LHFPL2: variants seen among roughly 807,000 people sequenced by gnomAD.
LHFPL2 encodes LHFPL tetraspan subfamily member 2 protein.
A neutral mutation model predicts 17.5 loss-of-function variants in LHFPL2; 7 were observed. The ratio of observed to expected loss-of-function variants is 0.40; its 90% CI spans 0.23 to 0.75. The LOEUF (loss-of-function observed/expected upper bound fraction) is 0.75, where lower values mean the gene tolerates loss of function less well. Ranked by LOEUF, LHFPL2 falls within the 30% of genes least tolerant of loss-of-function variation. LHFPL2 has a pLI of 0.37. For synonymous variants in LHFPL2, 134 were observed against 116.2 expected, an observed-to-expected ratio of 1.15 and a Z score of -0.99; for missense variants, 241 against 294.8, an observed-to-expected ratio of 0.82 and a Z score of 1.34.
intron 4 of LHFPL2, among the ~76,000 whole-genome samples, chr5:78,493,061 A>C (rs536386970): frequency 6.6e-5 from 10 of 152,378 alleles, no homozygotes; most frequent in Admixed American, 2.6e-4. Context: ...CTAATGTCTA[A>C]GAGAAAACTG....
At chr5:78,527,051 G>A (rs1255149894) in intron 3 of LHFPL2, among the ~76,000 whole-genome samples, 1 of 152,220 alleles carries the variant, frequency 6.6e-6, no homozygotes, top group Non-Finnish European at 1.5e-5. Context: ...AACTCCAGAA[G>A]GTTGAATGTT....
intron 3 of LHFPL2, among the ~76,000 whole-genome samples, chr5:78,562,081 C>T (rs894282775): frequency 6.6e-6 from 1 of 152,236 alleles, no homozygotes; most frequent in African/African-American, 2.4e-5. Flanking sequence ...TCAGACTCCA[C>T]ATGCTGTGCT....
intron 4 of LHFPL2, among the ~76,000 whole-genome samples, chr5:78,500,258 T>C (rs1754733650): frequency 6.6e-6 from 1 of 152,200 alleles, no homozygotes; most frequent in African/African-American, 2.4e-5. Context: ...TTCAGCCATC[T>C]CACCTCCCAA....
At chr5:78,554,243 G>A (rs191644402) in intron 3 of LHFPL2, among the ~76,000 whole-genome samples, 7 of 152,244 alleles carry the variant, frequency 4.6e-5, no homozygotes, top group East Asian at 1.9e-4. Context: ...CGCTTACAGC[G>A]AGCACCCAGG....
At chr5:78,503,999 T>G (rs1178632624) in intron 4 of LHFPL2, among the ~76,000 whole-genome samples, 1 of 152,168 alleles carries the variant, frequency 6.6e-6, no homozygotes, top group East Asian at 1.9e-4. Context: ...CTGACCTACC[T>G]TCTCATAACA....
intron 1 of LHFPL2, among the ~76,000 whole-genome samples, chr5:78,646,704 A>G (rs1254938658): frequency 1.3e-5 from 2 of 152,156 alleles, no homozygotes; most frequent in African/African-American, 2.4e-5. Context: ...ATCTCCTACT[A>G]TGGACTTTTC....
At chr5:78,493,697 A>T (rs1221826084) in intron 4 of LHFPL2, among the ~76,000 whole-genome samples, 3 of 152,200 alleles carry the variant, frequency 2.0e-5, no homozygotes, top group African/African-American at 7.2e-5. Context: ...AGCAAGAAAG[A>T]AAATAGAGAC....
chr5:78,492,894 C>T (rs773927529), intron 4 of LHFPL2, among the ~76,000 whole-genome samples: 9 of 152,136 alleles, frequency 5.9e-5, no homozygotes, highest in South Asian at 2.1e-4. Flanking sequence ...CCCAGGGCTC[C>T]GTGGGGCAGT....
At chr5:78,577,229 C>T (rs183794522) in intron 2 of LHFPL2, among the ~76,000 whole-genome samples, 8 of 152,294 alleles carry the variant, frequency 5.3e-5, no homozygotes, top group South Asian at 2.1e-4. Flanking sequence ...AAGGACTGAT[C>T]GTCCTGATGC....
At chr5:78,549,795 G>A (rs1205883660) in intron 3 of LHFPL2, among the ~76,000 whole-genome samples, 2 of 152,192 alleles carry the variant, frequency 1.3e-5, no homozygotes, top group East Asian at 1.9e-4. Flanking sequence ...TTGCATCCAT[G>A]TCTAAAATAC....
chr5:78,584,668 A>G (rs368966299), intron 2 of LHFPL2, among the ~76,000 whole-genome samples: 426 of 152,272 alleles, frequency 2.8e-3, no homozygotes, highest in Non-Finnish European at 4.5e-3. Flanking sequence ...CATGCTGGGA[A>G]AACCACTGCT....
At chr5:78,519,137 G>A (rs188530703) in intron 3 of LHFPL2, among the ~76,000 whole-genome samples, 7 of 152,194 alleles carry the variant, frequency 4.6e-5, no homozygotes, top group Admixed American at 1.3e-4. Context: ...GATGACCACT[G>A]AGAACCCACA....
chr5:78,526,967 T>C (rs1270828357), intron 3 of LHFPL2, among the ~76,000 whole-genome samples: 1 of 152,142 alleles, frequency 6.6e-6, no homozygotes, highest in Admixed American at 6.5e-5. Flanking sequence ...ACCCAATAGG[T>C]AGTTGAGGTT....
chr5:78,513,267 G>C (rs944363693), intron 3 of LHFPL2, among the ~76,000 whole-genome samples: 2 of 152,160 alleles, frequency 1.3e-5, no homozygotes, highest in African/African-American at 4.8e-5. Flanking sequence ...GGACATCTGG[G>C]CTTAGCAAAA....
At chr5:78,589,591 T>G (rs1580837983) in intron 2 of LHFPL2, among the ~76,000 whole-genome samples, 1 of 152,316 alleles carries the variant, frequency 6.6e-6, no homozygotes, top group African/African-American at 2.4e-5. Flanking sequence ...TGTCTACTCT[T>G]GCCCGCCTTT....
chr5:78,524,305 A>G (rs891349653), intron 3 of LHFPL2, among the ~76,000 whole-genome samples: 2 of 152,198 alleles, frequency 1.3e-5, no homozygotes, highest in African/African-American at 2.4e-5. Context: ...AAGTTTCACA[A>G]TTTTAGAATT....
intron 3 of LHFPL2, among the ~76,000 whole-genome samples, chr5:78,526,882 C>T (rs1213173286): frequency 6.6e-6 from 1 of 152,094 alleles, no homozygotes; most frequent in Non-Finnish European, 1.5e-5. Context: ...GTCGCTTTCC[C>T]GGGGAATTTT....
At chr5:78,501,170 T>C (rs914509394) in intron 4 of LHFPL2, among the ~76,000 whole-genome samples, 5 of 152,192 alleles carry the variant, frequency 3.3e-5, no homozygotes, top group Non-Finnish European at 7.4e-5. Flanking sequence ...GCAACATTTT[T>C]TATTTTGCTA....
At position 78,562,764 on chromosome 5, in the gene LHFPL2, A is replaced by G. The variant is rs143537643; in HGVS notation, c.-186+2049T>C. On this transcript the variant is annotated intron_variant, in intron 3 of 4. Transcript: ENST00000380345. ...TACTGTATTTCTATGGGATGAATTC[A>G]CAACTTTAAAAAAAAGACAGAGAAG... is the stretch of plus-strand genomic sequence containing the variant. Among the ~76,000 whole-genome samples, 450 of 128,400 alleles carry G rather than the reference A, an allele frequency of 3.5e-3. 3 individuals carry two copies. Among genetic ancestry groups the G allele is most frequent in the African/African-American group, 0.011 (433 of 37,828 alleles). 84.2% of individuals were successfully genotyped at this position (128,400 alleles called of 152,430 possible).
Sources: allele counts gnomAD v4.1 joint callset (sites outside exome capture counted in the v4.1 genomes callset), GRCh38; gene constraint gnomAD v4.1.1; transcripts MANE v1.5; gene names NCBI Gene and HGNC (gene_info 2026-07-23, HGNC 2026-07-21).